Variants in XPO7 observed in about 807,000 individuals in gnomAD.
XPO7 encodes the protein exportin 7, also known as exportin-7.
In XPO7, 21 loss-of-function variants were observed where a neutral mutation model predicts 144.3. The ratio of observed to expected loss-of-function variants is 0.15; its 90% CI spans 0.10 to 0.21. The LOEUF (loss-of-function observed/expected upper bound fraction) is 0.21, where lower values mean the gene tolerates loss of function less well. XPO7 is among the 10% of genes least tolerant of loss of function. XPO7 has a pLI of 1.00. For synonymous variants in XPO7, 580 were observed against 499.6 expected, an observed-to-expected ratio of 1.16 and a Z score of -2.15; for missense variants, 808 against 1,325.8, an observed-to-expected ratio of 0.61 and a Z score of 6.06.
chr8:21,980,864 T>TTA (rs1291574396), intron 9 of XPO7, among the ~76,000 whole-genome samples: 1 of 152,188 alleles, frequency 6.6e-6, no homozygotes, highest in Non-Finnish European at 1.5e-5. Flanking sequence ...ATAGGGCTGC[T>TTA]TTTAGGTGGG....
At chr8:21,969,368 A>G in intron 2 of XPO7, 115 bp from the exon 3 acceptor site, 5 of 856,680 alleles carry the variant, frequency 5.8e-6, no homozygotes, top group Non-Finnish European at 9.1e-6. Context: ...CAGAGGATCA[A>G]ATCTGCCAAA....
chr8:21,966,171 CCTTGT>C, intron 1 of XPO7: 1 of 673,948 alleles, frequency 1.5e-6, no homozygotes, highest in South Asian at 1.7e-5. Context: ...TGGGTGTTTC[CCTTGT>C]CTTATCTGTG....
At chr8:21,988,146 C>G (rs1382886363) in intron 15 of XPO7, among the ~76,000 whole-genome samples, 1 of 152,196 alleles carries the variant, frequency 6.6e-6, no homozygotes, top group Non-Finnish European at 1.5e-5. Context: ...CAGACCTCCA[C>G]CCCAGTAATT....
chr8:21,969,029 G>A (rs756364582), intron 2 of XPO7, among the ~76,000 whole-genome samples: 1 of 152,216 alleles, frequency 6.6e-6, no homozygotes, highest in Non-Finnish European at 1.5e-5. Context: ...ATACAGCATA[G>A]TGTGATGGTT....
chr8:21,920,065 C>T (rs894313621), intron 1 of XPO7, among the ~76,000 whole-genome samples: 3 of 151,856 alleles, frequency 2.0e-5, no homozygotes, highest in East Asian at 2.0e-4. Context: ...CCACAACGTT[C>T]GTCAGTCACT....
chr8:21,977,866 T>TA (rs1284286970), intron 8 of XPO7, 23 bp downstream of exon 8: 21 of 1,600,536 alleles, frequency 1.3e-5, no homozygotes, highest in African/African-American at 4.0e-5. Flanking sequence ...TACCGTTTCT[T>TA]AAAGCAAACC....
At chr8:21,956,753 G>A (rs1232752568) in intron 1 of XPO7, among the ~76,000 whole-genome samples, 1 of 118,728 alleles carries the variant, frequency 8.4e-6, no homozygotes, top group African/African-American at 3.2e-5. Flanking sequence ...TTTTCTTTTT[G>A]TGCATCCTGT....
At position 21,974,741 on chromosome 8, in the gene XPO7, T is replaced by A. The variant is rs746805224; in HGVS notation, c.564T>A (p.Asp188Glu). ...CTTTTCGCGATTCATCATTATTTGA[T>A]ATCTTCACACTTTCCTGCAATTTAC... is the stretch of plus-strand genomic sequence containing the variant. ...ASSFRDSSLF[D>E]IFTLSCNLLK... The change falls in exon 6 of 28, where the codon GAT becomes GAA. Residue 188 changes from aspartate (D) to glutamate (E), a missense_variant. Physicochemically the swap from Asp to Glu is conservative, Grantham distance 45. Transcript: ENST00000252512. 6 of 1,583,988 alleles carry A rather than the reference T, an allele frequency of 3.8e-6. No homozygotes were observed. Among genetic ancestry groups the A allele is most frequent in the Admixed American group, 1.8e-5 (1 of 55,086 alleles).
At chr8:21,937,970 G>A (rs1484503264) in intron 1 of XPO7, among the ~76,000 whole-genome samples, 4 of 152,130 alleles carry the variant, frequency 2.6e-5, no homozygotes, top group East Asian at 1.9e-4. Flanking sequence ...TAATATTTAT[G>A]AGCCTTTCAT....
At chr8:21,985,217 G>T (rs17060709) in intron 12 of XPO7, among the ~76,000 whole-genome samples, 1 of 152,064 alleles carries the variant, frequency 6.6e-6, no homozygotes, top group Admixed American at 6.5e-5. Context: ...CAGGCCAAGA[G>T]GTTTATGACT....
intron 1 of XPO7, among the ~76,000 whole-genome samples, chr8:21,936,768 C>T (rs186945416): frequency 6.6e-6 from 1 of 152,222 alleles, no homozygotes; most frequent in East Asian, 1.9e-4. Flanking sequence ...ATCATGTAAT[C>T]CTATTAGTGG....
intron 16 of XPO7, among the ~76,000 whole-genome samples, chr8:21,989,307 T>C (rs1339444311): frequency 6.6e-6 from 1 of 152,222 alleles, no homozygotes; most frequent in Non-Finnish European, 1.5e-5. Flanking sequence ...TAGTACAGAT[T>C]TATCCCTGTC....
chr8:21,958,211 ATCCTCATTAT>A (rs1360908109), intron 1 of XPO7, among the ~76,000 whole-genome samples: 1 of 152,070 alleles, frequency 6.6e-6, no homozygotes, highest in East Asian at 1.9e-4. Context: ...AATAAAACTG[ATCCTCATTAT>A]TCCTTGTTGT....
chr8:21,922,664 T>C (rs968308306), intron 1 of XPO7, among the ~76,000 whole-genome samples: 1 of 152,168 alleles, frequency 6.6e-6, no homozygotes, highest in African/African-American at 2.4e-5. Context: ...GTTTTAATAG[T>C]GCTAGCTGGT....
chr8:22,004,944 T>G, intron 27 of XPO7, 51 bp from the exon 28 acceptor site: 1 of 569,214 alleles, frequency 1.8e-6, no homozygotes. Context: ...AAAAGGCAAA[T>G]ACCTTTCCCC....
At chr8:21,923,275 C>A (rs1269383611) in intron 1 of XPO7, among the ~76,000 whole-genome samples, 1 of 152,184 alleles carries the variant, frequency 6.6e-6, no homozygotes, top group Non-Finnish European at 1.5e-5. Flanking sequence ...ATATCCAATT[C>A]TGATGCTCTT....
At chr8:21,973,021 A>C (rs1165544912) in intron 5 of XPO7, among the ~76,000 whole-genome samples, 1 of 151,988 alleles carries the variant, frequency 6.6e-6, no homozygotes, top group African/African-American at 2.4e-5. Context: ...TTATTCTCAG[A>C]ACAGTCATAT....
chr8:21,979,069 T>C lies in XPO7; in HGVS notation c.838-1015T>C, dbSNP rs183277830. ...TTCAGGGATAAAGCTGGGTTGTGTT[T>C]TTTTGTTTGTTTGTTTGAGGCAGAG... On this transcript the variant is annotated intron_variant, in intron 8 of 27. Transcript: ENST00000252512. Among the ~76,000 whole-genome samples the C allele has an allele frequency of 4.6e-5, 7 of 152,276 alleles. No homozygotes were observed. In the East Asian group the frequency reaches 1.4e-3, roughly 29 times the overall value.
In XPO7 at chr8:21,999,625, C is replaced by A; in HGVS notation, c.2733C>A (p.His911Gln). ...HMNFIASLEP[H>Q]VIMYILSSIS... is the part of the protein sequence containing the mutation. ...ACTTTATTGCAAGCCTGGAACCTCA[C>A]GTCATCATGTATATTCTCTCTTCCA... is the stretch of plus-strand genomic sequence containing the variant. The change falls in exon 24 of 28, where the codon CAC becomes CAA. Residue 911 changes from histidine (H) to glutamine (Q), a missense_variant. His to Gln is a conservative substitution (Grantham distance 24). Transcript: ENST00000252512. 3 of 1,613,982 alleles carry A rather than the reference C, an allele frequency of 1.9e-6. No individual in the cohort carries two copies. The highest frequency in any genetic ancestry group is 2.5e-6 in the Non-Finnish European group (3 of 1,179,890).
Sources: gnomAD v4.1 joint callset for allele counts (sites outside exome capture counted in the v4.1 genomes callset) on GRCh38, gnomAD v4.1.1 for gene constraint, MANE v1.5 for transcripts, NCBI Gene and HGNC (gene_info 2026-07-23, HGNC 2026-07-21) for gene names.